Variants in DCC observed in about 807,000 individuals in gnomAD.
DCC encodes the protein netrin receptor DCC.
A neutral mutation model predicts 172.5 loss-of-function variants in DCC; 58 were observed. That is an observed-to-expected ratio of 0.34 (90% confidence interval 0.27 to 0.42). DCC has a LOEUF of 0.42. DCC is among the 10% of genes least tolerant of loss of function. The pLI is 1.00. For missense variants in DCC, 1,740 were observed against 1,791.0 expected, an observed-to-expected ratio of 0.97 and a Z score of 0.51; for synonymous variants, 709 against 644.5, an observed-to-expected ratio of 1.10 and a Z score of -1.52.
chr18:53,043,591 T>C (rs976810181), intron 5 of DCC, among the ~76,000 whole-genome samples: 2 of 152,038 alleles, frequency 1.3e-5, no homozygotes, highest in Admixed American at 6.6e-5. Context: ...ATTGCCCTTT[T>C]AAACGGCCAA....
chr18:52,369,123 G>T (rs1985003148), intron 1 of DCC, among the ~76,000 whole-genome samples: 2 of 152,208 alleles, frequency 1.3e-5, no homozygotes, highest in Non-Finnish European at 2.9e-5. Flanking sequence ...GTCTCTCCAA[G>T]AATGAATTTG....
intron 7 of DCC, among the ~76,000 whole-genome samples, chr18:53,078,855 C>T (rs2042759656): frequency 6.6e-6 from 1 of 151,926 alleles, no homozygotes. Context: ...ATTAAAATGC[C>T]CCATCCTCAA....
intron 1 of DCC, among the ~76,000 whole-genome samples, chr18:52,637,800 A>C (rs2075605026): frequency 6.6e-6 from 1 of 152,234 alleles, no homozygotes; most frequent in Admixed American, 6.5e-5. Context: ...ACATTTAAAT[A>C]CAAGAAGCAC....
At chr18:52,907,241 C>CATATATACATGATATGTCATGT (rs2039897775) in intron 3 of DCC, among the ~76,000 whole-genome samples, 1 of 102,656 alleles carries the variant, frequency 9.7e-6, no homozygotes, top group Admixed American at 1.1e-4. Context: ...TGATAGATAT[C>CATATATACATGATATGTCATGT]ATATATACAT....
Position 52,340,575 on chromosome 18 carries a change from G to C in DCC, c.-213G>C, listed in dbSNP as rs754625314. On this transcript the variant is annotated 5_prime_UTR_variant, in exon 1 of 29. Coordinates refer to ENST00000442544, the MANE Select transcript of DCC (RefSeq NM_005215.4). ...ATGGAACTTTTTGCTGCCTGCTTTT[G>C]CTGCTGATTCTGTCAGTGGACAAGG... is the stretch of plus-strand genomic sequence containing the variant. 2 of 625,460 alleles carry C rather than the reference G, an allele frequency of 3.2e-6. No homozygotes were observed. The highest frequency in any genetic ancestry group is 5.7e-6 in the Non-Finnish European group (2 of 348,006). 38.7% of individuals were successfully genotyped at this position (625,460 alleles called of 1,614,324 possible). A position where few individuals can be genotyped will look rare whatever the true frequency, so the allele number is the denominator to read the frequency against.
chr18:52,580,249 CTTTTGTTTTGTTTG>C, intron 1 of DCC, among the ~76,000 whole-genome samples: 1 of 152,112 alleles, frequency 6.6e-6, no homozygotes, highest in South Asian at 2.1e-4. Flanking sequence ...CAAAATGAGA[CTTTTGTTTTGTTTG>C]TTTTGTTTTG....
chr18:52,375,769 C>T (rs1188645256), intron 1 of DCC, among the ~76,000 whole-genome samples: 1 of 152,138 alleles, frequency 6.6e-6, no homozygotes, highest in Non-Finnish European at 1.5e-5. Context: ...CTTAAACCAG[C>T]CAGTATAGTT....
At chr18:53,104,248 C>T (rs572290005) in intron 7 of DCC, among the ~76,000 whole-genome samples, 7 of 152,086 alleles carry the variant, frequency 4.6e-5, no homozygotes, top group Admixed American at 1.3e-4. Flanking sequence ...TTTGGCTCTG[C>T]GTCCCCACCC....
intron 25 of DCC, among the ~76,000 whole-genome samples, chr18:53,486,220 C>G (rs1264421656): frequency 6.6e-6 from 1 of 152,132 alleles, no homozygotes; most frequent in Non-Finnish European, 1.5e-5. Context: ...GAAAAACATT[C>G]AGTTACACTT....
chr18:52,478,236 C>T (rs1989152376), intron 1 of DCC, among the ~76,000 whole-genome samples: 1 of 152,040 alleles, frequency 6.6e-6, no homozygotes, highest in Non-Finnish European at 1.5e-5. Context: ...ATGGTTGTGC[C>T]CTCAATAGGA....
chr18:52,787,926 C>A (rs1225831710), intron 2 of DCC, among the ~76,000 whole-genome samples: 1 of 152,058 alleles, frequency 6.6e-6, no homozygotes, highest in East Asian at 1.9e-4. Flanking sequence ...TTTAATGAAA[C>A]CTCAGACAAT....
At chr18:53,194,158 T>A (rs1385158123) in intron 9 of DCC, among the ~76,000 whole-genome samples, 1 of 152,080 alleles carries the variant, frequency 6.6e-6, no homozygotes, top group South Asian at 2.1e-4. Flanking sequence ...AGAACTGAGA[T>A]TTTTGCATGC....
intron 27 of DCC, among the ~76,000 whole-genome samples, chr18:53,511,166 G>T (rs958335503): frequency 4.6e-5 from 7 of 152,170 alleles, no homozygotes; most frequent in Non-Finnish European, 5.9e-5. Flanking sequence ...TGGGACAAAG[G>T]TTACCTGTTT....
At position 52,897,728 on chromosome 18, in the gene DCC, G is replaced by A. The variant is rs140367721; in HGVS notation, c.413-8316G>A. On this transcript the variant is annotated intron_variant, in intron 2 of 28. Transcript: ENST00000442544. ...TATAAGATCACATAGGGTGAACATC[G>A]CTGGCACTTACCAGACATGCTTACC... 7.2e-5 allele frequency among the ~76,000 whole-genome samples: 11 copies of A among 152,060 alleles called. No individual in the cohort carries two copies. In the East Asian group the frequency reaches 7.7e-4, roughly 11 times the overall value.
At chr18:52,756,114 A>G (rs887178599) in intron 2 of DCC, among the ~76,000 whole-genome samples, 1 of 152,234 alleles carries the variant, frequency 6.6e-6, no homozygotes, top group African/African-American at 2.4e-5. Flanking sequence ...CTCCATTTGA[A>G]AGCAACTTCA....
intron 5 of DCC, among the ~76,000 whole-genome samples, chr18:52,972,910 T>A (rs928331873): frequency 5.9e-5 from 9 of 152,206 alleles, no homozygotes; most frequent in Non-Finnish European, 1.3e-4. Context: ...GCATGATTTT[T>A]ATGGGGGTGC....
At chr18:53,527,187 T>C (rs2046467823) in intron 28 of DCC, among the ~76,000 whole-genome samples, 2 of 150,258 alleles carry the variant, frequency 1.3e-5, no homozygotes, top group Non-Finnish European at 3.0e-5. Context: ...TAAATAAGAC[T>C]ATATAACTCT....
In DCC at chr18:52,674,985, T is replaced by C. The variant is rs566161102; in HGVS notation, c.92-77069T>C. Among the ~76,000 whole-genome samples the C allele has an allele frequency of 4.6e-5, 7 of 152,306 alleles. No homozygotes were observed. In the South Asian group the frequency reaches 8.3e-4, roughly 18 times the overall value. ...CTACCTGGAGGCTGCTTCTGCATGATAAAACTTTGGTCTCCACAAGCTCTT... is the reference window on the plus strand; with the variant it reads ...CTACCTGGAGGCTGCTTCTGCATGACAAAACTTTGGTCTCCACAAGCTCTT... On this transcript the variant is annotated intron_variant, in intron 1 of 28. Transcript: ENST00000442544.
chr18:53,161,041 A>C (rs934296445), intron 8 of DCC, among the ~76,000 whole-genome samples: 2 of 152,204 alleles, frequency 1.3e-5, no homozygotes, highest in Non-Finnish European at 1.5e-5. Flanking sequence ...TACACCTATC[A>C]GCATGTCAGC....
Sources: gnomAD v4.1 joint callset for allele counts (sites outside exome capture counted in the v4.1 genomes callset) on GRCh38, gnomAD v4.1.1 for gene constraint, MANE v1.5 for transcripts, NCBI Gene and HGNC (gene_info 2026-07-23, HGNC 2026-07-21) for gene names.